ST8SIA4: variants seen among roughly 807,000 people sequenced by gnomAD.
ST8SIA4 encodes CMP-N-acetylneuraminate-poly-alpha-2,8-sialyltransferase.
In ST8SIA4, 15 loss-of-function variants were observed where a neutral mutation model predicts 33.9. The ratio of observed to expected loss-of-function variants is 0.44; its 90% CI spans 0.30 to 0.68. The LOEUF (loss-of-function observed/expected upper bound fraction) is 0.68, where lower values mean the gene tolerates loss of function less well. ST8SIA4 is among the 30% of genes least tolerant of loss of function. The pLI, the probability that ST8SIA4 is intolerant of heterozygous loss-of-function variation, is 0.10. For missense variants in ST8SIA4, 321 were observed against 428.0 expected (o/e 0.75, Z 2.21); for synonymous variants, 171 against 151.2 (o/e 1.13, Z -0.96).
chr5:100,845,224 A>T (rs1017735007), intron 4 of ST8SIA4, among the ~76,000 whole-genome samples: 2 of 152,006 alleles, frequency 1.3e-5, no homozygotes, highest in African/African-American at 4.8e-5. Flanking sequence ...GTACACTTGT[A>T]TCATTTGAAG....
At chr5:100,816,489 A>T (rs778485454) in intron 4 of ST8SIA4, 5 of 523,816 alleles carry the variant, frequency 9.5e-6, no homozygotes, top group Admixed American at 8.2e-5. Flanking sequence ...GAAGTATTAC[A>T]TTGGTGCAAA....
chr5:100,878,960 CA>C (rs1554060037), intron 3 of ST8SIA4, among the ~76,000 whole-genome samples: 2 of 152,104 alleles, frequency 1.3e-5, no homozygotes, highest in Non-Finnish European at 2.9e-5. Flanking sequence ...ATGCAAACAA[CA>C]GATGCCAAAT....
chr5:100,856,489 T>A (rs1751816233), intron 3 of ST8SIA4, 93 bp from the exon 4 acceptor site: 1 of 1,247,362 alleles, frequency 8.0e-7, no homozygotes, highest in African/African-American at 1.5e-5. Flanking sequence ...GAAATAAGCA[T>A]TTTTTTAACC....
chr5:100,864,574 C>CAAA (rs201029430), intron 3 of ST8SIA4, among the ~76,000 whole-genome samples: 15 of 69,384 alleles, frequency 2.2e-4, no homozygotes, highest in African/African-American at 5.8e-4. Flanking sequence ...GACTCCGGCT[C>CAAA]AAAAAAAAAA....
intron 4 of ST8SIA4, among the ~76,000 whole-genome samples, chr5:100,818,492 T>C (rs948262737): frequency 1.8e-4 from 27 of 152,192 alleles, no homozygotes; most frequent in Non-Finnish European, 5.9e-5. Flanking sequence ...CTTAACCACA[T>C]TGCAAATGAC....
chr5:100,812,188 C>G (rs1207937277), intron 4 of ST8SIA4, 59 bp from the exon 5 acceptor site: 25 of 1,453,236 alleles, frequency 1.7e-5, no homozygotes, highest in Non-Finnish European at 2.3e-5. Context: ...TAGAGCATAT[C>G]CTATAGCAAG....
At chr5:100,893,175 T>C (rs937895843) in intron 2 of ST8SIA4, among the ~76,000 whole-genome samples, 25 of 152,062 alleles carry the variant, frequency 1.6e-4, no homozygotes, top group African/African-American at 6.0e-4. Context: ...CCATAATTAG[T>C]TTCTAATATC....
intron 2 of ST8SIA4, among the ~76,000 whole-genome samples, chr5:100,894,200 C>G (rs1301329710): frequency 2.0e-5 from 3 of 152,060 alleles, no homozygotes; most frequent in Non-Finnish European, 4.4e-5. Context: ...CCAGCTAAAC[C>G]TTAGGAAGAG....
In ST8SIA4 at chr5:100,836,896, C is replaced by T. The variant is rs566469765; in HGVS notation, c.797+19207G>A. ...ATGTAATACTTTGGAGACTTACTTT[C>T]CAATTTCCAGGTTAAAATACTCCCA... On this transcript the variant is annotated intron_variant, in intron 4 of 4. Coordinates refer to ENST00000231461, the MANE Select transcript of ST8SIA4 (RefSeq NM_005668.6). Among the ~76,000 whole-genome samples, 8 of 151,876 alleles carry T rather than the reference C, an allele frequency of 5.3e-5. No individual in the cohort carries two copies. The South Asian group carries it at 1.7e-3, about 32-fold the overall frequency.
In ST8SIA4 at chr5:100,807,475, A is replaced by C. The variant is rs942097255; in HGVS notation, c.*4372T>G. On this transcript the variant is annotated 3_prime_UTR_variant, in exon 5 of 5. Transcript: ENST00000231461. ...CCTACACAAAGAAACGGTTTTTATT[A>C]AAAGGTGCTACTTAAATGAGAAACA... The C allele has an allele frequency of 1.3e-5, 2 of 152,550 alleles. No homozygotes were observed. The highest frequency in any genetic ancestry group is 2.9e-5 in the Non-Finnish European group (2 of 67,958). 9.4% of individuals were successfully genotyped at this position (152,550 alleles called of 1,614,324 possible).
chr5:100,891,068 A>G (rs1484167419), intron 2 of ST8SIA4, among the ~76,000 whole-genome samples: 1 of 151,972 alleles, frequency 6.6e-6, no homozygotes, highest in African/African-American at 2.4e-5. Context: ...AATATAACTA[A>G]GTTATCACCA....
chr5:100,881,585 C>T (rs1294655921), intron 3 of ST8SIA4, among the ~76,000 whole-genome samples: 1 of 152,150 alleles, frequency 6.6e-6, no homozygotes, highest in Non-Finnish European at 1.5e-5. Context: ...GTAAAGCACA[C>T]ATTGCACACA....
chr5:100,873,561 C>T (rs1413815355), intron 3 of ST8SIA4, among the ~76,000 whole-genome samples: 1 of 152,126 alleles, frequency 6.6e-6, no homozygotes, highest in Non-Finnish European at 1.5e-5. Flanking sequence ...TAATCATTGC[C>T]TCCCTCAGAG....
At chr5:100,885,677 GT>G (rs1333804837) in intron 3 of ST8SIA4, 9 of 940,786 alleles carry the variant, frequency 9.6e-6, no homozygotes, top group Non-Finnish European at 1.1e-5. Flanking sequence ...TATTTATGAT[GT>G]GATTATAATT....
chr5:100,862,702 G>A (rs960376634), intron 3 of ST8SIA4, among the ~76,000 whole-genome samples: 15 of 152,090 alleles, frequency 9.9e-5, no homozygotes, highest in Admixed American at 3.9e-4. Context: ...GCACCTGGCC[G>A]AATACCTTTT....
intron 4 of ST8SIA4, among the ~76,000 whole-genome samples, chr5:100,844,669 C>T (rs1043524806): frequency 2.6e-5 from 4 of 151,958 alleles, no homozygotes; most frequent in African/African-American, 9.7e-5. Context: ...GTGTTAGGCT[C>T]AAACTGGAAA....
At chr5:100,881,581 C>T (rs1440764180) in intron 3 of ST8SIA4, among the ~76,000 whole-genome samples, 1 of 152,028 alleles carries the variant, frequency 6.6e-6, no homozygotes, top group African/African-American at 2.4e-5. Flanking sequence ...GAAAGTAAAG[C>T]ACACATTGCA....
intron 4 of ST8SIA4, among the ~76,000 whole-genome samples, chr5:100,836,734 T>C (rs1751370728): frequency 6.6e-6 from 1 of 152,028 alleles, no homozygotes; most frequent in Admixed American, 6.6e-5. Flanking sequence ...ACTTGAATTA[T>C]TCATAATTTT....
At chr5:100,901,280 A>G (rs1456139501) in intron 1 of ST8SIA4, among the ~76,000 whole-genome samples, 1 of 152,144 alleles carries the variant, frequency 6.6e-6, no homozygotes, top group Non-Finnish European at 1.5e-5. Context: ...GGTCCCAGCC[A>G]AGGGCCCGAA....
Sources: gnomAD v4.1 joint callset for allele counts (sites outside exome capture counted in the v4.1 genomes callset) on GRCh38, gnomAD v4.1.1 for gene constraint, MANE v1.5 for transcripts, NCBI Gene and HGNC (gene_info 2026-07-23, HGNC 2026-07-21) for gene names.